TNK2: variants seen among roughly 807,000 people sequenced by gnomAD.
TNK2 encodes activated CDC42 kinase 1.
TNK2 carries 83 observed loss-of-function variants against 101.8 expected under a neutral mutation model. The ratio of observed to expected loss-of-function variants is 0.82; its 90% CI spans 0.68 to 0.98. TNK2 has a LOEUF of 0.98. TNK2 is among the 50% of genes least tolerant of loss of function. TNK2 has a pLI of 0.00. For synonymous variants in TNK2, 804 were observed against 633.0 expected (o/e 1.27, Z -4.06); for missense variants, 1,665 against 1,483.2 (o/e 1.12, Z -2.01).
intron 1 of TNK2, among the ~76,000 whole-genome samples, chr3:195,903,429 A>T (rs1761427797): frequency 6.6e-6 from 1 of 152,218 alleles, no homozygotes; most frequent in South Asian, 2.1e-4. Flanking sequence ...ACATTATATT[A>T]GATGAGGCTG....
intron 1 of TNK2, among the ~76,000 whole-genome samples, chr3:195,889,944 G>A (rs2149704889): frequency 6.6e-6 from 1 of 152,270 alleles, no homozygotes. Flanking sequence ...CTCCTCCCCA[G>A]CTCCCATCAC....
In TNK2 at chr3:195,879,834, A is replaced by C. The variant is rs553695585; in HGVS notation, c.888-659T>G. On this transcript the variant is annotated intron_variant, in intron 6 of 15. Coordinates refer to ENST00000672887, the MANE Select transcript of TNK2 (RefSeq NM_001382273.1). ...AAGTCACTCGAGATCGCTAAGGTTC[A>C]TTATCCTCCTTGGTGAAATGAGAAC... Among the ~76,000 whole-genome samples the C allele has an allele frequency of 7.2e-5, 11 of 152,210 alleles. No individual in the cohort carries two copies. In the East Asian group the frequency reaches 1.9e-3, roughly 27 times the overall value.
At chr3:195,879,306 G>A in intron 6 of TNK2, 131 bp from the exon 7 acceptor site, 1 of 1,423,592 alleles carries the variant, frequency 7.0e-7, no homozygotes, top group Non-Finnish European at 9.5e-7. Flanking sequence ...GGGTCTCAGG[G>A]GCGCCGTGTG....
Position 195,906,061 on chromosome 3 carries a change from CAT to C in TNK2, c.-19+2422_-19+2423del, listed in dbSNP as rs371107192. 3.9e-3 allele frequency among the ~76,000 whole-genome samples: 601 copies of C among 152,250 alleles called. 4 individuals carry two copies. The highest frequency in any genetic ancestry group is 0.012 in the African/African-American group (512 of 41,536). On this transcript the variant is annotated intron_variant, in intron 1 of 15. Transcript: ENST00000672887. ...AAGACATACGTATGGCAAATGAGCA[CAT>C]GAGAAGATGCCCGACAACATGAGTC...
At position 195,866,949 on chromosome 3, in the gene TNK2, T is replaced by C; in HGVS notation, c.3101A>G (p.Asp1034Gly). The change falls in exon 15 of 16, where the codon GAC becomes GGC. Residue 1034 changes from aspartate to glycine, a missense_variant. By Grantham distance (94) the Asp-to-Gly change is moderately conservative (BLOSUM62 -1). Coordinates refer to ENST00000672887, the MANE Select transcript of TNK2 (RefSeq NM_001382273.1). ...GCAGCCGGCCTGCTCCAGGTTCCAGTCGAACATCTCCAGCACTTTGTGGCA... is the reference window on the plus strand; with the variant it reads ...GCAGCCGGCCTGCTCCAGGTTCCAGCCGAACATCTCCAGCACTTTGTGGCA... ...GECHKVLEMF[D>G]WNLEQAGCHL... The C allele has an allele frequency of 6.2e-7, 1 of 1,612,940 alleles. No homozygotes were observed. The highest frequency in any genetic ancestry group is 8.5e-7 in the Non-Finnish European group (1 of 1,179,772).
In TNK2 at chr3:195,886,293, G is replaced by C. The variant is rs1009294161; in HGVS notation, c.234+684C>G. On this transcript the variant is annotated intron_variant, in intron 3 of 15. Coordinates refer to ENST00000672887, the MANE Select transcript of TNK2 (RefSeq NM_001382273.1). The surrounding 1 kb of genome is among the most constrained non-coding windows in gnomAD (Gnocchi z 4.2). ...GATCCCAAGAGACAGCCCCTTTGCCGGATTGCAGCCAGGAAAATCTCTGCT... is the reference window on the plus strand; with the variant it reads ...GATCCCAAGAGACAGCCCCTTTGCCCGATTGCAGCCAGGAAAATCTCTGCT... 1 of 152,420 alleles carries C rather than the reference G, an allele frequency of 6.6e-6. No homozygotes were observed. The highest frequency in any genetic ancestry group is 6.6e-5 in the Admixed American group (1 of 15,258). The allele number at this position is 152,420 out of a possible 1,614,324, so 9.4% of individuals were successfully genotyped here.
At chr3:195,900,483 G>A (rs1006530788) in intron 1 of TNK2, among the ~76,000 whole-genome samples, 3 of 152,218 alleles carry the variant, frequency 2.0e-5, no homozygotes, top group African/African-American at 7.2e-5. Context: ...GCATCCATCT[G>A]TATCAAGTCT....
Position 195,878,986 on chromosome 3 carries a change from G to A in TNK2, c.1014+63C>T, listed in dbSNP as rs372523601. The stretch of plus-strand genomic sequence containing the variant: ...TGAGAGGCAGTTCCAGCAGGGCCAG[G>A]CTGCAAGCAGGGAATGGAATTCACC... On this transcript the variant is annotated intron_variant, in intron 7 of 15. Transcript: ENST00000672887. The surrounding 1 kb of genome is among the most constrained non-coding windows in gnomAD (Gnocchi z 4.7). 4 of 1,588,506 alleles carry A rather than the reference G, an allele frequency of 2.5e-6. No homozygotes were observed. Among genetic ancestry groups the A allele is most frequent in the African/African-American group, 2.7e-5 (2 of 74,748 alleles).
At position 195,868,653 on chromosome 3, in the gene TNK2, TC is replaced by T. The variant is rs1213953948; in HGVS notation, c.1644del (p.Arg549GlyfsTer182). 1.3e-6 allele frequency: 2 copies of T among 1,593,712 alleles called. No individual in the cohort carries two copies. Among genetic ancestry groups the T allele is most frequent in the Non-Finnish European group, 1.7e-6 (2 of 1,177,918 alleles). On this transcript the variant is annotated frameshift_variant, in exon 13 of 16. Transcript: ENST00000672887. LOFTEE classifies it high-confidence loss of function. ...EDQDPLSSDF[K>X]RLGLRKPGLP... The stretch of plus-strand genomic sequence containing the variant: ...AGGCCTGGCTTCCGCAGGCCCAGCC[TC>T]TTGAAGTCGCTGGACAAGGGGTCTT...
intron 9 of TNK2, among the ~76,000 whole-genome samples, chr3:195,873,042 G>C (rs895401610): frequency 6.6e-6 from 1 of 152,110 alleles, no homozygotes; most frequent in Non-Finnish European, 1.5e-5. Flanking sequence ...GAGAGTCTAG[G>C]AGCACTCGGG....
At position 195,885,584 on chromosome 3, in the gene TNK2, G is replaced by GT. The variant is rs1175402991; in HGVS notation, c.235-552dup. On this transcript the variant is annotated intron_variant, in intron 3 of 15. Transcript: ENST00000672887. The surrounding 1 kb of genome is among the most constrained non-coding windows in gnomAD (Gnocchi z 4.7). ...GATAATTTTAGTCTGAGGTTGAACC[G>GT]TGAGTGTGTGTGTGGTTCAGATGAA... 36 of 1,289,778 alleles carry GT rather than the reference G, an allele frequency of 2.8e-5. No homozygotes were observed. Among genetic ancestry groups the GT allele is most frequent in the Non-Finnish European group, 3.6e-5 (36 of 988,876 alleles). 79.9% of individuals were successfully genotyped at this position (1,289,778 alleles called of 1,614,324 possible).
chr3:195,871,718 C>T (rs997846853), intron 10 of TNK2, among the ~76,000 whole-genome samples: 4 of 152,230 alleles, frequency 2.6e-5, no homozygotes, highest in Non-Finnish European at 5.9e-5. Context: ...CTACTTTCAT[C>T]TACAGTGAGT....
chr3:195,896,928 A>G (rs1760625522), intron 1 of TNK2: 1 of 152,304 alleles, frequency 6.6e-6, no homozygotes, highest in African/African-American at 2.4e-5. Flanking sequence ...AGGCGCAGAC[A>G]TGACAGGCAA....
rs375985092 is a variant in TNK2 at position 195,878,594 on chromosome 3, T to C, written c.1015-2A>G. On this transcript the variant is annotated splice_acceptor_variant, in intron 7 of 15. Coordinates refer to ENST00000672887, the MANE Select transcript of TNK2 (RefSeq NM_001382273.1). LOFTEE classifies it high-confidence loss of function. The surrounding 1 kb of genome is among the most constrained non-coding windows in gnomAD (Gnocchi z 4.7). ...CTCCTTGTCGATCTTATGCAGGATC[T>C]GAAGGTGAGGAGGTGCAGAGTTTGA... 1.9e-6 allele frequency: 3 copies of C among 1,612,086 alleles called. No homozygotes were observed. The highest frequency in any genetic ancestry group is 2.5e-6 in the Non-Finnish European group (3 of 1,179,430).
intron 15 of TNK2, 64 bp from the exon 16 acceptor site, chr3:195,864,251 C>CG (rs780793584): frequency 5.1e-5 from 82 of 1,605,830 alleles, no homozygotes; most frequent in Non-Finnish European, 6.7e-5. Context: ...GGGCAGGCAC[C>CG]GGGGGTCACA....
chr3:195,893,699 C>CA (rs1759501863), intron 1 of TNK2, among the ~76,000 whole-genome samples: 1 of 152,074 alleles, frequency 6.6e-6, no homozygotes, highest in African/African-American at 2.4e-5. Flanking sequence ...TCCAGCTCCC[C>CA]AGGCACCCCC....
At chr3:195,900,018 C>T (rs1446312330) in intron 1 of TNK2, among the ~76,000 whole-genome samples, 1 of 152,140 alleles carries the variant, frequency 6.6e-6, no homozygotes, top group African/African-American at 2.4e-5. Context: ...GGAAGAGGGG[C>T]TGTCCATGTC....
chr3:195,863,931 T>G lies in TNK2; in HGVS notation c.*250A>C. 1.9e-6 allele frequency: 1 copy of G among 517,178 alleles called. No individual in the cohort carries two copies. The highest frequency in any genetic ancestry group is 3.5e-6 in the Non-Finnish European group (1 of 288,772). 32.0% of individuals were successfully genotyped at this position (517,178 alleles called of 1,614,324 possible). On this transcript the variant is annotated 3_prime_UTR_variant, in exon 16 of 16. Transcript: ENST00000672887. ...TGCTGGGGCAGCCCTCAAGCCTGTC[T>G]TCACCCGGCCCCTTCCACATCTTGG... is the stretch of plus-strand genomic sequence containing the variant.
At chr3:195,895,445 T>C in intron 1 of TNK2, 2 of 1,454,516 alleles carry the variant, frequency 1.4e-6, no homozygotes, top group Non-Finnish European at 1.8e-6. Context: ...CGCTACTGCG[T>C]CTCAGCCCCC....
Sources: gnomAD v4.1 joint callset for allele counts (sites outside exome capture counted in the v4.1 genomes callset) on GRCh38, gnomAD v4.1.1 for gene constraint, Gnocchi (gnomAD v3.1) non-coding constraint, MANE v1.5 for transcripts, NCBI Gene and HGNC (gene_info 2026-07-23, HGNC 2026-07-21) for gene names.